Variants in EPS15 observed in about 807,000 individuals in gnomAD.
EPS15 encodes the protein epidermal growth factor receptor substrate 15.
A neutral mutation model predicts 113.8 loss-of-function variants in EPS15; 72 were observed. That is an observed-to-expected ratio of 0.63 (90% CI 0.52 to 0.77). The LOEUF (loss-of-function observed/expected upper bound fraction) is 0.77, where lower values mean the gene tolerates loss of function less well. Among genes scored for constraint, EPS15 ranks in the 30% least tolerant of loss-of-function variants. The pLI, the probability that EPS15 is intolerant of heterozygous loss-of-function variation, is 0.00. For synonymous variants in EPS15, 344 were observed against 363.4 expected (o/e 0.95, Z 0.61); for missense variants, 1,048 against 1,045.8 (o/e 1.00, Z -0.03).
chr1:51,468,425 T>C, intron 5 of EPS15, 48 bp downstream of exon 5: 2 of 1,250,822 alleles, frequency 1.6e-6, no homozygotes, highest in Non-Finnish European at 1.2e-6. Context: ...TAACGTGGTG[T>C]CACTTTTTAA....
chr1:51,446,679 T>G (rs1395839450), intron 10 of EPS15, among the ~76,000 whole-genome samples: 2 of 152,092 alleles, frequency 1.3e-5, no homozygotes. Context: ...GGTCTCAAAC[T>G]CCCGACCTCA....
chr1:51,474,708 T>C (rs1420242835), intron 2 of EPS15, among the ~76,000 whole-genome samples: 1 of 152,006 alleles, frequency 6.6e-6, no homozygotes, highest in Non-Finnish European at 1.5e-5. Flanking sequence ...ATACTTTAAG[T>C]TCTAGGGTAC....
intron 23 of EPS15, 52 bp from the exon 24 acceptor site, chr1:51,361,407 G>A: frequency 7.2e-7 from 1 of 1,392,956 alleles, no homozygotes; most frequent in Non-Finnish European, 1.0e-6. Flanking sequence ...GCAAATACAA[G>A]CACACAAGAA....
intron 22 of EPS15, 81 bp from the exon 23 acceptor site, chr1:51,364,109 A>T (rs1273853961): frequency 1.1e-5 from 11 of 1,044,682 alleles, no homozygotes; most frequent in African/African-American, 1.6e-5. Context: ...TAATGATTTC[A>T]GTATTATACA....
chr1:51,516,858 T>C (rs2148573800), intron 1 of EPS15, among the ~76,000 whole-genome samples: 1 of 152,368 alleles, frequency 6.6e-6, no homozygotes, highest in South Asian at 2.1e-4. Context: ...TATTAATTAC[T>C]TTCTTCCAGA....
At chr1:51,508,551 T>C (rs552363200) in intron 1 of EPS15, among the ~76,000 whole-genome samples, 1 of 152,292 alleles carries the variant, frequency 6.6e-6, no homozygotes, top group East Asian at 1.9e-4. Flanking sequence ...ATGTCACAAA[T>C]GGCAGAGCTA....
At position 51,509,017 on chromosome 1, in the gene EPS15, T is replaced by C. The variant is rs146465990; in HGVS notation, c.33+10182A>G. ...TCATCATAATCACAGTATTCTCTCA[T>C]GGCACCCCCTTGCCTTACTTCTATC... On this transcript the variant is annotated intron_variant, in intron 1 of 24. Coordinates refer to ENST00000371733, the MANE Select transcript of EPS15 (RefSeq NM_001981.3). Among the ~76,000 whole-genome samples the C allele has an allele frequency of 6.3e-4, 96 of 152,288 alleles. No individual in the cohort carries two copies. The East Asian group carries it at 0.014, about 23-fold the overall frequency.
rs79483737 is a variant in EPS15, at chr1:51,427,342, C to T, written c.1041-5484G>A. Among the ~76,000 whole-genome samples the T allele has an allele frequency of 5.4e-3, 818 of 152,260 alleles. 6 individuals are homozygous for T. Among genetic ancestry groups the T allele is most frequent in the Middle Eastern group, 0.01 (3 of 294 alleles). On this transcript the variant is annotated intron_variant, in intron 12 of 24. Transcript: ENST00000371733. ...CTTACTCAATAACACATACTGAATC[C>T]TATTACATACTTGTCACTATGCTAT...
chr1:51,447,999 G>T (rs1353193424), intron 9 of EPS15, 47 bp downstream of exon 9: 1 of 1,601,122 alleles, frequency 6.2e-7, no homozygotes, highest in African/African-American at 1.3e-5. Context: ...AGATTCCTTG[G>T]CTGATGCTGA....
chr1:51,357,412 ATATATATATATATAT>A (rs1189018277), intron 24 of EPS15, among the ~76,000 whole-genome samples: 6 of 59,262 alleles, frequency 1.0e-4, no homozygotes, highest in African/African-American at 2.8e-4. Flanking sequence ...ATATATATAT[ATATATATATATATAT>A]TTTTTTTTTT....
At chr1:51,457,226 G>A (rs574075027) in intron 8 of EPS15, among the ~76,000 whole-genome samples, 2 of 152,254 alleles carry the variant, frequency 1.3e-5, no homozygotes, top group South Asian at 2.1e-4. Flanking sequence ...GGCGGAGCTT[G>A]CAGTGAGCTG....
chr1:51,482,598 C>T (rs1644040463), intron 1 of EPS15, among the ~76,000 whole-genome samples: 1 of 152,066 alleles, frequency 6.6e-6, no homozygotes, highest in Non-Finnish European at 1.5e-5. Flanking sequence ...TCCCAAGTAG[C>T]AGCATTACAG....
intron 1 of EPS15, among the ~76,000 whole-genome samples, chr1:51,504,662 T>C (rs889283889): frequency 1.3e-5 from 2 of 152,160 alleles, no homozygotes; most frequent in African/African-American, 4.8e-5. Flanking sequence ...AAAAAGATGC[T>C]TGACATCATT....
At chr1:51,400,976 A>G in intron 18 of EPS15, 23 bp from the exon 19 acceptor site, 1 of 1,533,634 alleles carries the variant, frequency 6.5e-7, no homozygotes, top group South Asian at 1.2e-5. Context: ...AAACACAAAG[A>G]AATCCAAATA....
At chr1:51,432,225 G>C (rs1342828259) in intron 12 of EPS15, among the ~76,000 whole-genome samples, 1 of 152,002 alleles carries the variant, frequency 6.6e-6, no homozygotes, top group African/African-American at 2.4e-5. Flanking sequence ...AGCTACCAGA[G>C]CCACAAAACA....
intron 16 of EPS15, 127 bp from the exon 17 acceptor site, chr1:51,403,659 T>C: frequency 1.9e-6 from 1 of 520,636 alleles, no homozygotes; most frequent in Non-Finnish European, 3.4e-6. Context: ...TCAAATAACT[T>C]CTCCTTCTAT....
intron 21 of EPS15, among the ~76,000 whole-genome samples, chr1:51,366,816 A>AT (rs200257560): frequency 0.042 from 6,389 of 152,208 alleles, 200 homozygotes; most frequent in Middle Eastern, 0.11. Context: ...GCAAGAAGTA[A>AT]TTTTTTCCTT....
intron 1 of EPS15, among the ~76,000 whole-genome samples, chr1:51,511,052 G>C (rs1195847324): frequency 6.6e-6 from 1 of 151,760 alleles, no homozygotes; most frequent in Non-Finnish European, 1.5e-5. Context: ...TATAATCCCA[G>C]CTACTTGGGA....
intron 21 of EPS15, among the ~76,000 whole-genome samples, chr1:51,389,073 A>G (rs1039477447): frequency 5.9e-5 from 9 of 152,318 alleles, no homozygotes; most frequent in African/African-American, 2.2e-4. Context: ...TCCTCAATCA[A>G]ATACTGGCAA....
Sources: gnomAD v4.1 joint callset for allele counts (sites outside exome capture counted in the v4.1 genomes callset) on GRCh38, gnomAD v4.1.1 for gene constraint, MANE v1.5 for transcripts, NCBI Gene and HGNC (gene_info 2026-07-23, HGNC 2026-07-21) for gene names.